ESR1: variants seen among roughly 807,000 people sequenced by gnomAD.
The protein encoded by ESR1 is estrogen receptor.
In ESR1, 12 loss-of-function variants were observed where a neutral mutation model predicts 52.7. That is an observed-to-expected ratio of 0.23 (90% CI 0.15 to 0.37). The LOEUF is 0.37. ESR1 is among the 10% of genes least tolerant of loss of function. The probability of loss-of-function intolerance (pLI) is 1.00; values close to 1 mark genes in which losing one functional copy is unlikely to be tolerated. For synonymous variants in ESR1, 305 were observed against 316.8 expected (o/e 0.96, Z 0.39); for missense variants, 584 against 779.7 (o/e 0.75, Z 2.99).
rs2128959455 is a variant in ESR1 at position 152,061,211 on chromosome 6, C to T, written c.1369+87C>T. 1 of 1,256,416 alleles carries T rather than the reference C, an allele frequency of 8.0e-7. No homozygotes were observed. Among genetic ancestry groups the T allele is most frequent in the Non-Finnish European group, 1.2e-6 (1 of 860,778 alleles). 77.8% of individuals were successfully genotyped at this position (1,256,416 alleles called of 1,614,324 possible). On this transcript the variant is annotated intron_variant, in intron 6 of 7. Coordinates refer to ENST00000206249, the MANE Select transcript of ESR1 (RefSeq NM_000125.4). This position sits in a 1 kb window ranked among gnomAD's most constrained non-coding sequence, Gnocchi z 4.3. ...AGATACGATCTACCCACTCCAAAGG[C>T]ATAATGTCATAAATAGAAAGAAACT...
chr6:151,684,033 T>A (rs1375956601), intron 1 of ESR1, among the ~76,000 whole-genome samples: 1 of 151,996 alleles, frequency 6.6e-6, no homozygotes. Context: ...AATTCATTTG[T>A]CTCCCTTCCT....
chr6:151,840,857 C>T (rs1784175279), intron 1 of ESR1, among the ~76,000 whole-genome samples: 1 of 152,218 alleles, frequency 6.6e-6, no homozygotes, highest in Admixed American at 6.5e-5. Flanking sequence ...CAACTTTGAA[C>T]ACTCTCTCCA....
At chr6:151,778,907 A>C (rs1455037627) in intron 2 of ESR1, among the ~76,000 whole-genome samples, 1 of 152,062 alleles carries the variant, frequency 6.6e-6, no homozygotes, top group African/African-American at 2.4e-5. Context: ...TGCATAGCAT[A>C]CAGAGCAGCA....
chr6:151,953,160 T>G (rs1024007299), intron 4 of ESR1, among the ~76,000 whole-genome samples: 26 of 152,280 alleles, frequency 1.7e-4, no homozygotes, highest in Middle Eastern at 6.8e-3. Context: ...CATTGAATCT[T>G]TCTGGCTTAG....
At chr6:151,749,699 T>C (rs1378870269) in intron 2 of ESR1, among the ~76,000 whole-genome samples, 2 of 151,218 alleles carry the variant, frequency 1.3e-5, no homozygotes, top group African/African-American at 4.9e-5. Flanking sequence ...GCCTCCACAT[T>C]ATTCTGGAGG....
chr6:151,880,872 T>TC (rs1792789187), intron 3 of ESR1, 101 bp downstream of exon 3: 2 of 703,122 alleles, frequency 2.8e-6, no homozygotes, highest in Admixed American at 4.8e-5. Flanking sequence ...TGTGTTTTTT[T>TC]CTTTTAATTG....
intron 1 of ESR1, among the ~76,000 whole-genome samples, chr6:151,830,377 T>G (rs564795442): frequency 2.6e-5 from 4 of 152,318 alleles, no homozygotes; most frequent in Middle Eastern, 3.4e-3. Flanking sequence ...GTTGAATAAA[T>G]GAATGAATTT....
At chr6:152,065,900 G>A (rs961268347) in intron 6 of ESR1, among the ~76,000 whole-genome samples, 2 of 152,160 alleles carry the variant, frequency 1.3e-5, no homozygotes, top group African/African-American at 4.8e-5. Flanking sequence ...AGAGGAATAT[G>A]GGTCAAAATT....
At chr6:151,691,590 T>G (rs1420082297) in intron 1 of ESR1, among the ~76,000 whole-genome samples, 1 of 152,194 alleles carries the variant, frequency 6.6e-6, no homozygotes, top group Non-Finnish European at 1.5e-5. Flanking sequence ...AGGTGCCAGA[T>G]TTTTAATGCC....
At chr6:152,018,754 G>A (rs371677121) in intron 5 of ESR1, among the ~76,000 whole-genome samples, 18 of 151,710 alleles carry the variant, frequency 1.2e-4, no homozygotes, top group East Asian at 7.8e-4. Flanking sequence ...AAGGGTTTGC[G>A]TGCCTCTTGT....
intron 1 of ESR1, among the ~76,000 whole-genome samples, chr6:151,831,574 G>T (rs897246407): frequency 6.6e-6 from 1 of 152,176 alleles, no homozygotes; most frequent in Non-Finnish European, 1.5e-5. Flanking sequence ...CAAGGATCCT[G>T]CTCTCTTCCA....
At chr6:151,917,195 T>C (rs1351498094) in intron 3 of ESR1, among the ~76,000 whole-genome samples, 1 of 152,184 alleles carries the variant, frequency 6.6e-6, no homozygotes, top group Non-Finnish European at 1.5e-5. Context: ...GACTACTGTT[T>C]ATTTTACAAG....
intron 3 of ESR1, among the ~76,000 whole-genome samples, chr6:151,919,318 G>A (rs994103428): frequency 1.1e-4 from 16 of 152,234 alleles, no homozygotes; most frequent in African/African-American, 3.1e-4. Context: ...AATGTAATGT[G>A]CATTTCTGAG....
intron 1 of ESR1, among the ~76,000 whole-genome samples, chr6:151,659,298 C>A (rs1777558628): frequency 6.6e-6 from 1 of 152,188 alleles, no homozygotes. Flanking sequence ...CAGGCGTGAG[C>A]CACTGTGCCC....
At chr6:151,899,496 C>T in intron 3 of ESR1, among the ~76,000 whole-genome samples, 1 of 146,720 alleles carries the variant, frequency 6.8e-6, no homozygotes, top group South Asian at 2.2e-4. Context: ...CCACCTCCCT[C>T]CCGGACGGGG....
At chr6:152,113,875 TTAAG>T (rs746037342) in intron 6 of ESR1, among the ~76,000 whole-genome samples, 8 of 152,126 alleles carry the variant, frequency 5.3e-5, no homozygotes, top group Non-Finnish European at 8.8e-5. Flanking sequence ...AATAGAAAGT[TTAAG>T]TAAGTTGCTC....
chr6:152,036,816 G>T lies in ESR1; in HGVS notation c.1236-24175G>T, dbSNP rs79548169. Among the ~76,000 whole-genome samples, 46 of 152,306 alleles carry T rather than the reference G, an allele frequency of 3.0e-4. No individual in the cohort carries two copies. The East Asian group carries it at 8.5e-3, about 28-fold the overall frequency. ...GATGGAAGACAAGATACTGCTTCAAGGGCTTCATTAGCTTTCTGCAGACTG... is the reference window on the plus strand; with the variant it reads ...GATGGAAGACAAGATACTGCTTCAATGGCTTCATTAGCTTTCTGCAGACTG... On this transcript the variant is annotated intron_variant, in intron 5 of 7. Coordinates refer to ENST00000206249, the MANE Select transcript of ESR1 (RefSeq NM_000125.4).
At chr6:151,909,454 G>A (rs1303777114) in intron 3 of ESR1, among the ~76,000 whole-genome samples, 3 of 152,188 alleles carry the variant, frequency 2.0e-5, no homozygotes, top group African/African-American at 4.8e-5. Flanking sequence ...CAGAAAGTAG[G>A]TGTCAGTCCA....
chr6:152,016,866 T>C (rs2043207187), intron 5 of ESR1, among the ~76,000 whole-genome samples: 1 of 152,278 alleles, frequency 6.6e-6, no homozygotes, highest in South Asian at 2.1e-4. Context: ...CTCCATAGGC[T>C]GTTTTCATTT....
Sources: gnomAD v4.1 joint callset for allele counts (sites outside exome capture counted in the v4.1 genomes callset) on GRCh38, gnomAD v4.1.1 for gene constraint, Gnocchi (gnomAD v3.1) non-coding constraint, MANE v1.5 for transcripts, NCBI Gene and HGNC (gene_info 2026-07-23, HGNC 2026-07-21) for gene names.